Variants in ZNF804B observed in about 807,000 individuals in gnomAD.
The protein encoded by ZNF804B is zinc finger protein 804B, also known as zinc finger 804B.
Under a neutral mutation model 101.4 loss-of-function variants are expected in ZNF804B, and 80 were observed. That is an observed-to-expected ratio of 0.79 (90% CI 0.66 to 0.95). The LOEUF (loss-of-function observed/expected upper bound fraction) is 0.95, where lower values mean the gene tolerates loss of function less well. Among genes scored for constraint, ZNF804B ranks in the 40% least tolerant of loss-of-function variants. ZNF804B has a pLI of 0.00. For missense variants in ZNF804B, 1,673 were observed against 1,561.9 expected, an observed-to-expected ratio of 1.07 and a Z score of -1.20; for synonymous variants, 622 against 558.8, an observed-to-expected ratio of 1.11 and a Z score of -1.59.
chr7:89,114,593 G>A (rs1221999598), intron 1 of ZNF804B, among the ~76,000 whole-genome samples: 2 of 152,112 alleles, frequency 1.3e-5, no homozygotes, highest in African/African-American at 4.8e-5. Context: ...TGCTCTTTTT[G>A]CATTGCTCTT....
At chr7:89,030,608 T>A (rs1211501231) in intron 1 of ZNF804B, among the ~76,000 whole-genome samples, 1 of 152,134 alleles carries the variant, frequency 6.6e-6, no homozygotes, top group Non-Finnish European at 1.5e-5. Flanking sequence ...ATATCTTAAC[T>A]TTTTTTGGTC....
At chr7:88,951,560 C>T (rs1233059360) in intron 1 of ZNF804B, among the ~76,000 whole-genome samples, 4 of 151,940 alleles carry the variant, frequency 2.6e-5, no homozygotes, top group African/African-American at 4.8e-5. Context: ...CTCCAAAAAA[C>T]GTTGAAAGTT....
At chr7:88,815,021 C>A (rs1402137233) in intron 1 of ZNF804B, among the ~76,000 whole-genome samples, 2 of 148,820 alleles carry the variant, frequency 1.3e-5, no homozygotes, top group African/African-American at 4.9e-5. Context: ...TATATATATT[C>A]TTATATATAC....
chr7:89,128,386 A>G (rs370415025), intron 1 of ZNF804B, among the ~76,000 whole-genome samples: 4 of 152,016 alleles, frequency 2.6e-5, no homozygotes, highest in African/African-American at 9.6e-5. Flanking sequence ...AGTATTGTAC[A>G]CAATTAGTTA....
chr7:89,218,150 T>G lies in ZNF804B; in HGVS notation c.109-5T>G, dbSNP rs377543800. The G allele has an allele frequency of 1.9e-6, 3 of 1,609,726 alleles. No homozygotes were observed. Among genetic ancestry groups the G allele is most frequent in the African/African-American group, 2.7e-5 (2 of 74,588 alleles). ...TAACCAACATTTATGTATTTTTTCTTAAAGGATTTTGCAGAAAAGAAGTCC... is the reference window on the plus strand; with the variant it reads ...TAACCAACATTTATGTATTTTTTCTGAAAGGATTTTGCAGAAAAGAAGTCC... On this transcript the variant is annotated splice_region_variant and splice_polypyrimidine_tract_variant and intron_variant, in intron 1 of 3. Transcript: ENST00000333190.
intron 1 of ZNF804B, among the ~76,000 whole-genome samples, chr7:88,833,466 C>G (rs1791162501): frequency 1.3e-5 from 2 of 151,744 alleles, no homozygotes; most frequent in Non-Finnish European, 2.9e-5. Flanking sequence ...TGACATGTTG[C>G]TAGGGAGTTA....
At chr7:88,870,312 G>A (rs1791800159) in intron 1 of ZNF804B, among the ~76,000 whole-genome samples, 1 of 147,384 alleles carries the variant, frequency 6.8e-6, no homozygotes, top group Non-Finnish European at 1.5e-5. Context: ...GTGAACCCGG[G>A]AGGCGGAGCT....
chr7:88,913,483 C>T (rs1052926431), intron 1 of ZNF804B, among the ~76,000 whole-genome samples: 1 of 152,128 alleles, frequency 6.6e-6, no homozygotes, highest in African/African-American at 2.4e-5. Context: ...CAACCTCTGC[C>T]TCCTGGGTTC....
chr7:88,959,085 T>C (rs1244417028), intron 1 of ZNF804B, among the ~76,000 whole-genome samples: 2 of 151,414 alleles, frequency 1.3e-5, no homozygotes, highest in African/African-American at 4.8e-5. Context: ...GAGCTCTTAC[T>C]CTAGAGGTTG....
intron 1 of ZNF804B, among the ~76,000 whole-genome samples, chr7:88,989,584 G>A (rs1174857308): frequency 1.3e-5 from 2 of 152,080 alleles, no homozygotes; most frequent in African/African-American, 2.4e-5. Context: ...GATAAGTAAT[G>A]CAACTCCTCT....
At chr7:89,283,039 A>T (rs1790124107) in intron 2 of ZNF804B, among the ~76,000 whole-genome samples, 1 of 152,218 alleles carries the variant, frequency 6.6e-6, no homozygotes, top group Non-Finnish European at 1.5e-5. Context: ...CAGCTAAGAA[A>T]ACCAATCAGA....
intron 1 of ZNF804B, among the ~76,000 whole-genome samples, chr7:88,813,461 C>A (rs1169314858): frequency 1.3e-5 from 2 of 150,270 alleles, no homozygotes; most frequent in Admixed American, 6.6e-5. Flanking sequence ...ATGTTTAATT[C>A]TCTGTGTGCG....
rs1554340240 is a variant in ZNF804B at position 88,854,524 on chromosome 7, T to TC, written c.108+94442dup. On this transcript the variant is annotated intron_variant, in intron 1 of 3. Transcript: ENST00000333190. ...TTCCTTTCCTTTCCTTTCCTTTCCT[T>TC]CCTTTCCTTCCTTCCTTCCTTCCTT... 2.8e-3 allele frequency among the ~76,000 whole-genome samples: 186 copies of TC among 66,018 alleles called. 3 individuals carry two copies. The highest frequency in any genetic ancestry group is 7.4e-3 in the South Asian group (12 of 1,616). The allele number at this position is 66,018 out of a possible 152,430, so 43.3% of individuals were successfully genotyped here.
chr7:89,115,305 G>A (rs551356529), intron 1 of ZNF804B, among the ~76,000 whole-genome samples: 31 of 152,322 alleles, frequency 2.0e-4, no homozygotes, highest in African/African-American at 7.5e-4. Context: ...AATTTTTAAT[G>A]AGAGCTTTAC....
chr7:88,827,533 C>T (rs965007310), intron 1 of ZNF804B, among the ~76,000 whole-genome samples: 3 of 151,744 alleles, frequency 2.0e-5, no homozygotes, highest in Non-Finnish European at 4.4e-5. Flanking sequence ...GTGTTCCAGT[C>T]TGGGTTCCGG....
At chr7:89,283,902 A>G (rs963367329) in intron 2 of ZNF804B, among the ~76,000 whole-genome samples, 2 of 152,134 alleles carry the variant, frequency 1.3e-5, no homozygotes, top group African/African-American at 4.8e-5. Context: ...CAAGTCTCAG[A>G]CATACTATGT....
At chr7:88,997,182 C>T (rs1788212190) in intron 1 of ZNF804B, among the ~76,000 whole-genome samples, 2 of 152,130 alleles carry the variant, frequency 1.3e-5, no homozygotes, top group East Asian at 1.9e-4. Context: ...ATTTGGGAGA[C>T]ACCTTGAGAA....
At chr7:88,909,044 G>GA (rs1230214651) in intron 1 of ZNF804B, among the ~76,000 whole-genome samples, 2 of 151,794 alleles carry the variant, frequency 1.3e-5, no homozygotes, top group Admixed American at 6.6e-5. Flanking sequence ...AAGATAGATG[G>GA]AAAAAATCAA....
At chr7:89,230,519 A>G (rs917113886) in intron 2 of ZNF804B, among the ~76,000 whole-genome samples, 2 of 152,172 alleles carry the variant, frequency 1.3e-5, no homozygotes, top group Non-Finnish European at 2.9e-5. Context: ...AAAAAGTACT[A>G]TAAAACTAAG....
Sources: allele counts gnomAD v4.1 joint callset (sites outside exome capture counted in the v4.1 genomes callset), GRCh38; gene constraint gnomAD v4.1.1; transcripts MANE v1.5; gene names NCBI Gene and HGNC (gene_info 2026-07-23, HGNC 2026-07-21).